KCNQ3: variants seen among roughly 807,000 people sequenced by gnomAD.
KCNQ3 encodes the protein potassium voltage-gated channel subfamily Q member 3, also known as potassium voltage-gated channel subfamily KQT member 3.
Under a neutral mutation model 92.5 loss-of-function variants are expected in KCNQ3, and 30 were observed. The observed-to-expected ratio is 0.32, with a 90% confidence interval of 0.24 to 0.44. The LOEUF is 0.44. Ranked by LOEUF, KCNQ3 falls within the 20% of genes least tolerant of loss-of-function variation. The probability of loss-of-function intolerance (pLI) is 1.00; values close to 1 mark genes in which losing one functional copy is unlikely to be tolerated. For missense variants in KCNQ3, 913 were observed against 1,140.3 expected (o/e 0.80, Z 2.87); for synonymous variants, 450 against 468.8 (o/e 0.96, Z 0.52).
At chr8:132,322,680 A>T (rs1353831072) in intron 1 of KCNQ3, among the ~76,000 whole-genome samples, 1 of 152,212 alleles carries the variant, frequency 6.6e-6, no homozygotes, top group Non-Finnish European at 1.5e-5. Flanking sequence ...GGGCAGGCAG[A>T]CGAATGTGCC....
At chr8:132,151,311 T>G (rs1222151553) in intron 9 of KCNQ3, among the ~76,000 whole-genome samples, 1 of 152,226 alleles carries the variant, frequency 6.6e-6, no homozygotes, top group Non-Finnish European at 1.5e-5. Flanking sequence ...TAGATTTATG[T>G]GCAAGGCGTG....
chr8:132,291,301 A>C (rs961973224), intron 1 of KCNQ3, among the ~76,000 whole-genome samples: 12 of 152,196 alleles, frequency 7.9e-5, no homozygotes, highest in African/African-American at 2.9e-4. Flanking sequence ...ACTGACAGAG[A>C]TGAATGCAAA....
chr8:132,203,191 G>T (rs1827514602), intron 1 of KCNQ3, among the ~76,000 whole-genome samples: 1 of 152,184 alleles, frequency 6.6e-6, no homozygotes, highest in African/African-American at 2.4e-5. Context: ...TGAGGGCTCT[G>T]CCTCTTGAAG....
chr8:132,262,477 G>A (rs529086888), intron 1 of KCNQ3, among the ~76,000 whole-genome samples: 1 of 152,298 alleles, frequency 6.6e-6, no homozygotes, highest in African/African-American at 2.4e-5. Flanking sequence ...CGATGAAGGT[G>A]TCAGGGAGGG....
intron 1 of KCNQ3, among the ~76,000 whole-genome samples, chr8:132,204,079 T>C (rs898976702): frequency 2.0e-5 from 3 of 152,268 alleles, no homozygotes; most frequent in Non-Finnish European, 4.4e-5. Context: ...CAGCCATTGA[T>C]TGTGTCTCAC....
intron 7 of KCNQ3, 68 bp downstream of exon 7, chr8:132,172,530 C>T: frequency 3.0e-6 from 4 of 1,353,440 alleles, no homozygotes; most frequent in South Asian, 1.2e-5. Context: ...CACACATACA[C>T]ACACACACAC....
intron 1 of KCNQ3, among the ~76,000 whole-genome samples, chr8:132,409,735 T>C (rs570902534): frequency 6.6e-6 from 1 of 152,336 alleles, no homozygotes; most frequent in Non-Finnish European, 1.5e-5. Context: ...CCTATTTCCC[T>C]ATTTTAGAGT....
At chr8:132,435,327 G>A (rs1353766610) in intron 1 of KCNQ3, among the ~76,000 whole-genome samples, 1 of 152,152 alleles carries the variant, frequency 6.6e-6, no homozygotes, top group East Asian at 1.9e-4. Flanking sequence ...ACAGGTCTGG[G>A]GTCGTTCCAG....
chr8:132,441,637 C>T (rs995319997), intron 1 of KCNQ3, among the ~76,000 whole-genome samples: 1 of 151,880 alleles, frequency 6.6e-6, no homozygotes, highest in African/African-American at 2.4e-5. Context: ...GGGTATATAC[C>T]CAGTAATGGG....
At chr8:132,443,424 A>G (rs1821591385) in intron 1 of KCNQ3, among the ~76,000 whole-genome samples, 1 of 152,134 alleles carries the variant, frequency 6.6e-6, no homozygotes, top group Admixed American at 6.5e-5. Context: ...TTAATTGAAA[A>G]CCAGCATTAA....
In KCNQ3 at chr8:132,155,206, G is replaced by A. The variant is rs547340112; in HGVS notation, c.1262+8262C>T. 1.3e-3 allele frequency among the ~76,000 whole-genome samples: 196 copies of A among 152,254 alleles called. 1 individual carries two copies. Among genetic ancestry groups the A allele is most frequent in the Non-Finnish European group, 2.2e-3 (153 of 68,020 alleles). ...CCATCAGATTGTGAGGGCCTTTCCC[G>A]TTAGGATATGAGTTACAATTCCCTG... On this transcript the variant is annotated intron_variant, in intron 9 of 14. Coordinates refer to ENST00000388996, the MANE Select transcript of KCNQ3 (RefSeq NM_004519.4).
chr8:132,309,965 A>G (rs1817542816), intron 1 of KCNQ3, among the ~76,000 whole-genome samples: 4 of 152,216 alleles, frequency 2.6e-5, no homozygotes, highest in Admixed American at 2.6e-4. Context: ...GTATTGTTTT[A>G]AATCAACTTT....
At chr8:132,409,444 C>A (rs1820589583) in intron 1 of KCNQ3, among the ~76,000 whole-genome samples, 1 of 151,200 alleles carries the variant, frequency 6.6e-6, no homozygotes. Context: ...CTTGACCTAA[C>A]TTCCTAGATC....
At chr8:132,302,960 C>A (rs1212007110) in intron 1 of KCNQ3, among the ~76,000 whole-genome samples, 1 of 152,112 alleles carries the variant, frequency 6.6e-6, no homozygotes. Flanking sequence ...TGATCCACCA[C>A]CCTCCTGGGG....
At chr8:132,303,657 G>GATGTGTGTGT (rs1817312791) in intron 1 of KCNQ3, among the ~76,000 whole-genome samples, 1 of 66,376 alleles carries the variant, frequency 1.5e-5, no homozygotes, top group Non-Finnish European at 2.7e-5. Context: ...ATATATTTAT[G>GATGTGTGTGT]GTGTGTGTGT....
intron 1 of KCNQ3, among the ~76,000 whole-genome samples, chr8:132,300,184 C>T (rs544521290): frequency 6.0e-4 from 91 of 152,256 alleles, no homozygotes; most frequent in African/African-American, 2.2e-3. Flanking sequence ...AAAGAAAGGA[C>T]AAGACAAGAT....
chr8:132,157,452 G>A (rs1196451605), intron 9 of KCNQ3, among the ~76,000 whole-genome samples: 2 of 152,170 alleles, frequency 1.3e-5, no homozygotes, highest in African/African-American at 4.8e-5. Flanking sequence ...ATTCACCCAT[G>A]TTCTTTGATT....
chr8:132,145,393 G>C (rs1284252031), intron 9 of KCNQ3, among the ~76,000 whole-genome samples: 1 of 152,220 alleles, frequency 6.6e-6, no homozygotes, highest in African/African-American at 2.4e-5. Context: ...ATAGTGGAAA[G>C]AGTGTGGACT....
chr8:132,146,355 C>T (rs1250582682), intron 9 of KCNQ3, among the ~76,000 whole-genome samples: 2 of 152,112 alleles, frequency 1.3e-5, no homozygotes, highest in Non-Finnish European at 2.9e-5. Context: ...ACCTTGAGGA[C>T]ATTATGCTAA....
Sources: gnomAD v4.1 joint callset for allele counts (sites outside exome capture counted in the v4.1 genomes callset) on GRCh38, gnomAD v4.1.1 for gene constraint, MANE v1.5 for transcripts, NCBI Gene and HGNC (gene_info 2026-07-23, HGNC 2026-07-21) for gene names.